Variants in ATP2B1 observed in about 807,000 individuals in gnomAD.
The protein encoded by ATP2B1 is plasma membrane calcium-transporting ATPase 1.
A neutral mutation model predicts 124.2 loss-of-function variants in ATP2B1; 14 were observed. The ratio of observed to expected loss-of-function variants is 0.11; its 90% CI spans 0.07 to 0.18. The LOEUF is 0.18. ATP2B1 is among the 10% of genes least tolerant of loss of function. The pLI is 1.00. For missense variants in ATP2B1, 763 were observed against 1,466.1 expected (o/e 0.52, Z 7.83); for synonymous variants, 449 against 492.4 (o/e 0.91, Z 1.17).
chr12:89,684,863 G>A (rs1889775653), intron 1 of ATP2B1, among the ~76,000 whole-genome samples: 1 of 152,032 alleles, frequency 6.6e-6, no homozygotes, highest in African/African-American at 2.4e-5. Context: ...TTTCCTTTTA[G>A]AATTTCCTTG....
chr12:89,617,087 G>A, intron 11 of ATP2B1, 48 bp from the exon 12 acceptor site: 2 of 1,452,812 alleles, frequency 1.4e-6, no homozygotes, highest in South Asian at 1.2e-5. Flanking sequence ...AAAAAATAAT[G>A]GTTAATGCCA....
At chr12:89,681,034 T>C (rs1412234351) in intron 1 of ATP2B1, among the ~76,000 whole-genome samples, 1 of 152,148 alleles carries the variant, frequency 6.6e-6, no homozygotes, top group Non-Finnish European at 1.5e-5. Context: ...AAGGAATTTA[T>C]TAGAGAGTGA....
intron 1 of ATP2B1, among the ~76,000 whole-genome samples, chr12:89,680,560 T>A (rs943817649): frequency 1.3e-5 from 2 of 152,118 alleles, no homozygotes; most frequent in African/African-American, 4.8e-5. Context: ...TTAGATTTTT[T>A]AAAAAAGGAG....
chr12:89,661,415 A>G (rs575896525), intron 1 of ATP2B1, among the ~76,000 whole-genome samples: 1 of 152,360 alleles, frequency 6.6e-6, no homozygotes, highest in South Asian at 2.1e-4. Context: ...CAAATCCAAT[A>G]GTTCATTTTA....
At position 89,590,287 on chromosome 12, in the gene ATP2B1, TG is replaced by T. The variant is rs1212048603; in HGVS notation, c.*696del. Reference sequence around the variant, plus strand: ...CTGCTCATGTTTTTTTGTTTTGTTTTGTTTTTTTCGTTTTTTTAAACAAAGC... The same window carrying T: ...CTGCTCATGTTTTTTTGTTTTGTTTTTTTTTTTCGTTTTTTTAAACAAAGC... On this transcript the variant is annotated 3_prime_UTR_variant, in exon 21 of 21. Transcript: ENST00000428670. 2.6e-5 allele frequency: 4 copies of T among 152,576 alleles called. No homozygotes were observed. The highest frequency in any genetic ancestry group is 2.9e-5 in the Non-Finnish European group (2 of 68,006). The allele number at this position is 152,576 out of a possible 1,614,324, so 9.5% of individuals were successfully genotyped here.
chr12:89,615,383 A>G (rs1328225113), intron 12 of ATP2B1, among the ~76,000 whole-genome samples: 1 of 152,116 alleles, frequency 6.6e-6, no homozygotes, highest in Non-Finnish European at 1.5e-5. Flanking sequence ...CTTAAGGCCT[A>G]TGAGAACAGG....
At position 89,665,592 on chromosome 12, in the gene ATP2B1, A is replaced by G. The variant is rs760146002; in HGVS notation, c.-221-9485T>C. Among the ~76,000 whole-genome samples the G allele has an allele frequency of 3.9e-5, 6 of 152,352 alleles. 1 individual carries two copies. Among genetic ancestry groups the G allele is most frequent in the Non-Finnish European group, 4.4e-5 (3 of 68,028 alleles). ...TGTGCAGTTTACCAAATATAAGAAC[A>G]TACTATATCTCCAGTTAAATATGAG... is the stretch of plus-strand genomic sequence containing the variant. On this transcript the variant is annotated intron_variant, in intron 1 of 20. Transcript: ENST00000428670.
chr12:89,653,290 T>C (rs1008709458), intron 2 of ATP2B1, among the ~76,000 whole-genome samples: 8 of 135,892 alleles, frequency 5.9e-5, no homozygotes, highest in Admixed American at 1.5e-4. Flanking sequence ...TTTCTTTTTT[T>C]TTTTTTTTTT....
At position 89,635,157 on chromosome 12, in the gene ATP2B1, C is replaced by T. The variant is rs1385569217; in HGVS notation, c.501G>A (p.Val167=). 6.2e-7 allele frequency: 1 copy of T among 1,613,920 alleles called. No homozygotes were observed. Among genetic ancestry groups the T allele is most frequent in the Admixed American group, 1.7e-5 (1 of 60,006 alleles). The change falls in exon 4 of 21, where the codon GTG becomes GTA. Residue 167 remains valine, a synonymous_variant. Coordinates refer to ENST00000428670, the MANE Select transcript of ATP2B1 (RefSeq NM_001366521.1). Reference sequence around the variant, plus strand: ...TCCAGTCATTGAAAGCTGTTACTAACACCACACACACTACAGACAAGAGGA... The same window carrying T: ...TCCAGTCATTGAAAGCTGTTACTAATACCACACACACTACAGACAAGAGGA... ...AAILLSVVCV[V]LVTAFNDWSK... is the part of the protein sequence containing the mutation.
In ATP2B1 at chr12:89,589,546, T is replaced by G. The variant is rs1408924855; in HGVS notation, c.*1438A>C. 1 of 152,126 alleles carries G rather than the reference T, an allele frequency of 6.6e-6. No homozygotes were observed. Among genetic ancestry groups the G allele is most frequent in the Admixed American group, 6.6e-5 (1 of 15,260 alleles). The allele number at this position is 152,126 out of a possible 1,614,324, so 9.4% of individuals were successfully genotyped here. A position where few individuals can be genotyped will look rare whatever the true frequency, so the allele number is the denominator to read the frequency against. On this transcript the variant is annotated 3_prime_UTR_variant, in exon 21 of 21. Transcript: ENST00000428670. ...AATGTATCAAAGACAATGGTGGTCA[T>G]TGTTGTTATGTTTTTTACCTGTGAG...
intron 2 of ATP2B1, among the ~76,000 whole-genome samples, chr12:89,650,478 G>C (rs1885098370): frequency 2.6e-5 from 4 of 152,162 alleles, no homozygotes; most frequent in Admixed American, 2.6e-4. Flanking sequence ...TGGTGGGGGA[G>C]ACTGACAAGC....
At chr12:89,701,576 C>T (rs1207879809) in intron 1 of ATP2B1, among the ~76,000 whole-genome samples, 2 of 152,126 alleles carry the variant, frequency 1.3e-5, no homozygotes, top group Non-Finnish European at 2.9e-5. Context: ...TTTAACCTTA[C>T]TCAGATGGGT....
intron 1 of ATP2B1, among the ~76,000 whole-genome samples, chr12:89,671,336 T>A (rs1188213400): frequency 4.6e-5 from 7 of 151,954 alleles, no homozygotes; most frequent in Admixed American, 4.6e-4. Flanking sequence ...GAAAAGAAAA[T>A]CTGGCCTTTC....
intron 15 of ATP2B1, among the ~76,000 whole-genome samples, chr12:89,605,007 G>A (rs1876565914): frequency 6.6e-6 from 1 of 152,060 alleles, no homozygotes; most frequent in South Asian, 2.1e-4. Flanking sequence ...GGAGAATGGG[G>A]TAATTAATAA....
At chr12:89,656,368 A>G (rs1885955870) in intron 1 of ATP2B1, among the ~76,000 whole-genome samples, 1 of 152,196 alleles carries the variant, frequency 6.6e-6, no homozygotes, top group Admixed American at 6.5e-5. Context: ...TTTATGATCC[A>G]CTCAGTATTA....
intron 2 of ATP2B1, among the ~76,000 whole-genome samples, chr12:89,654,641 C>T (rs1885731439): frequency 6.6e-6 from 1 of 151,988 alleles, no homozygotes; most frequent in East Asian, 1.9e-4. Flanking sequence ...ACATAGGTTA[C>T]AAAGGTTTTA....
At chr12:89,685,900 A>C (rs545599452) in intron 1 of ATP2B1, among the ~76,000 whole-genome samples, 45 of 152,218 alleles carry the variant, frequency 3.0e-4, no homozygotes, top group Non-Finnish European at 5.1e-4. Context: ...AGCAAGAAGA[A>C]GGCCATCAGC....
intron 5 of ATP2B1, among the ~76,000 whole-genome samples, chr12:89,633,431 T>TC (rs1165541727): frequency 6.6e-6 from 1 of 151,952 alleles, no homozygotes; most frequent in African/African-American, 2.4e-5. Flanking sequence ...TACGTATATC[T>TC]CCTAATGTTC....
At position 89,670,973 on chromosome 12, in the gene ATP2B1, G is replaced by T. The variant is rs374887528; in HGVS notation, c.-221-14866C>A. ...ACATTAAAAAAAAAAAAAAGGGGTG[G>T]GGGGGCTCAGACCTCATCAACTGAC... On this transcript the variant is annotated intron_variant, in intron 1 of 20. Coordinates refer to ENST00000428670, the MANE Select transcript of ATP2B1 (RefSeq NM_001366521.1). Among the ~76,000 whole-genome samples the T allele has an allele frequency of 1.2e-3, 185 of 150,626 alleles. 1 individual carries two copies. The highest frequency in any genetic ancestry group is 4.2e-3 in the African/African-American group (174 of 41,080).
Sources: gnomAD v4.1 joint callset for allele counts (sites outside exome capture counted in the v4.1 genomes callset) on GRCh38, gnomAD v4.1.1 for gene constraint, MANE v1.5 for transcripts, NCBI Gene and HGNC (gene_info 2026-07-23, HGNC 2026-07-21) for gene names.